RPN2: variants seen among roughly 807,000 people sequenced by gnomAD.
The protein encoded by RPN2 is ribophorin II.
RPN2 carries 29 observed loss-of-function variants against 71.4 expected under a neutral mutation model. The observed-to-expected ratio is 0.41, with a 90% CI of 0.30 to 0.55. The LOEUF (loss-of-function observed/expected upper bound fraction) is 0.55, where lower values mean the gene tolerates loss of function less well. Among genes scored for constraint, RPN2 ranks in the 20% least tolerant of loss-of-function variants. The probability of loss-of-function intolerance (pLI) is 0.35; values close to 1 mark genes in which losing one functional copy is unlikely to be tolerated. For synonymous variants in RPN2, 308 were observed against 305.0 expected, an observed-to-expected ratio of 1.01 and a Z score of -0.10; for missense variants, 726 against 774.1, an observed-to-expected ratio of 0.94 and a Z score of 0.74.
chr20:37,184,628 T>G (rs2066965805), intron 2 of RPN2, among the ~76,000 whole-genome samples: 1 of 152,058 alleles, frequency 6.6e-6, no homozygotes, highest in African/African-American at 2.4e-5. Flanking sequence ...CTGACTCTGC[T>G]AAAAATAGAA....
chr20:37,202,863 A>T (rs1268836725), intron 4 of RPN2, among the ~76,000 whole-genome samples: 1 of 152,190 alleles, frequency 6.6e-6, no homozygotes, highest in Non-Finnish European at 1.5e-5. Flanking sequence ...GTAGAGATAG[A>T]ACATAGATTG....
chr20:37,196,230 C>T (rs915081803), intron 2 of RPN2, among the ~76,000 whole-genome samples: 1 of 151,196 alleles, frequency 6.6e-6, no homozygotes, highest in African/African-American at 2.4e-5. Context: ...TAGTCTCCCC[C>T]CCACCTTTTT....
chr20:37,238,437 A>C (rs1296624854), intron 16 of RPN2: 1 of 1,608,224 alleles, frequency 6.2e-7, no homozygotes, highest in Non-Finnish European at 8.5e-7. Context: ...TTGGCAAAAT[A>C]TAGGACACTA....
At chr20:37,186,476 C>CTATT (rs1017271379) in intron 2 of RPN2, among the ~76,000 whole-genome samples, 3 of 152,012 alleles carry the variant, frequency 2.0e-5, no homozygotes, top group African/African-American at 7.2e-5. Flanking sequence ...ATCTCTTATT[C>CTATT]TATTTATTTA....
intron 16 of RPN2, among the ~76,000 whole-genome samples, chr20:37,239,544 ACCTAGT>A: frequency 6.6e-6 from 1 of 151,980 alleles, no homozygotes; most frequent in Middle Eastern, 3.4e-3. Flanking sequence ...AAGCTGGGTC[ACCTAGT>A]CCTCAACACA....
chr20:37,202,378 TC>T (rs2067411523), intron 4 of RPN2, among the ~76,000 whole-genome samples: 1 of 152,222 alleles, frequency 6.6e-6, no homozygotes, highest in Non-Finnish European at 1.5e-5. Flanking sequence ...GGAATGAGTT[TC>T]CCATGGAGAG....
chr20:37,213,683 C>T (rs1293821263), intron 8 of RPN2, 77 bp from the exon 9 acceptor site: 36 of 1,107,690 alleles, frequency 3.3e-5, no homozygotes. Flanking sequence ...CTCCAGGAGA[C>T]ATTTTGTAGC....
intron 8 of RPN2, among the ~76,000 whole-genome samples, chr20:37,210,669 T>C (rs2067639869): frequency 6.6e-6 from 1 of 151,932 alleles, no homozygotes; most frequent in African/African-American, 2.4e-5. Flanking sequence ...TAGCTGGGAT[T>C]ACAGGTGCCC....
At chr20:37,209,580 C>A (rs1466596681) in intron 7 of RPN2, among the ~76,000 whole-genome samples, 1 of 152,082 alleles carries the variant, frequency 6.6e-6, no homozygotes, top group South Asian at 2.1e-4. Context: ...CCTCCTGCCT[C>A]AACTTCCTGA....
At chr20:37,238,791 G>A (rs1459565198) in intron 16 of RPN2, 1 of 570,322 alleles carries the variant, frequency 1.8e-6, no homozygotes, top group Admixed American at 1.9e-5. Context: ...CTGAGATGAG[G>A]ATAAGACAAA....
chr20:37,233,846 G>A (rs1347304474), intron 14 of RPN2, among the ~76,000 whole-genome samples, 174 bp from the exon 15 acceptor site: 3 of 152,216 alleles, frequency 2.0e-5, no homozygotes, highest in South Asian at 4.1e-4. Flanking sequence ...AAGGGAACAA[G>A]TTTCCCCGAG....
intron 2 of RPN2, 112 bp downstream of exon 2, chr20:37,184,485 A>G (rs1452221889): frequency 1.0e-6 from 1 of 969,012 alleles, no homozygotes; most frequent in African/African-American, 1.6e-5. Context: ...AGGATAACCA[A>G]GGTTAATCCA....
chr20:37,211,829 C>G (rs991354432), intron 8 of RPN2, among the ~76,000 whole-genome samples: 9 of 151,902 alleles, frequency 5.9e-5, no homozygotes, highest in Non-Finnish European at 2.9e-5. Flanking sequence ...TCTCCACCTC[C>G]CAGCTTCAAA....
intron 9 of RPN2, among the ~76,000 whole-genome samples, chr20:37,217,151 C>G (rs376327273): frequency 1.8e-4 from 27 of 150,806 alleles, no homozygotes; most frequent in African/African-American, 5.4e-4. Context: ...AGGCTGCTCT[C>G]GAACTCCTGG....
chr20:37,228,695 A>G lies in RPN2; in HGVS notation c.1445A>G (p.Tyr482Cys), dbSNP rs144218598. ...TCTGCCTCTGGCACCTACACTCTCT[A>G]CTTAATCATTGGAGATGCCACTTTG... is the stretch of plus-strand genomic sequence containing the variant. ...FDSASGTYTLYLIIGDATLKN... is the reference protein window; with the variant it reads ...FDSASGTYTLCLIIGDATLKN... The change falls in exon 12 of 17, where the codon TAC becomes TGC. Residue 482 changes from tyrosine (Y) to cysteine (C), a missense_variant. Tyr to Cys is a radical substitution (Grantham distance 194). Transcript: ENST00000237530. 86 of 1,614,090 alleles carry G rather than the reference A, an allele frequency of 5.3e-5. No homozygotes were observed. The highest frequency in any genetic ancestry group is 1.3e-4 in the Admixed American group (8 of 60,006).
At chr20:37,228,050 A>G (rs1600833669) in intron 11 of RPN2, among the ~76,000 whole-genome samples, 2 of 152,312 alleles carry the variant, frequency 1.3e-5, no homozygotes, top group East Asian at 3.9e-4. Context: ...GGCTCTCTCC[A>G]TGACACTGGG....
intron 2 of RPN2, among the ~76,000 whole-genome samples, chr20:37,191,109 A>G (rs1304534992): frequency 2.0e-5 from 3 of 152,194 alleles, no homozygotes; most frequent in African/African-American, 7.2e-5. Flanking sequence ...CAAAACTGGG[A>G]GAAATGGGGT....
intron 9 of RPN2, among the ~76,000 whole-genome samples, chr20:37,222,514 T>C (rs945554879): frequency 6.6e-6 from 1 of 152,116 alleles, no homozygotes; most frequent in Non-Finnish European, 1.5e-5. Context: ...ACTTGATAGG[T>C]ATCTTTATTT....
chr20:37,199,099 A>G lies in RPN2; in HGVS notation c.353A>G (p.Glu118Gly). The G allele has an allele frequency of 6.2e-7, 1 of 1,613,886 alleles. No homozygotes were observed. The highest frequency in any genetic ancestry group is 8.5e-7 in the Non-Finnish European group (1 of 1,179,754). ...TKDLLLAAVS[E>G]DSSVTQIYHA... is the part of the protein sequence containing the mutation. ...GATCTGCTTCTGGCAGCTGTCAGTG[A>G]GGACTCATCTGTTACCCAGATCTAC... The change falls in exon 4 of 17, where the codon GAG (glutamate) becomes GGG (glycine). Residue 118 changes from glutamate (E) to glycine (G), a missense_variant. Glu to Gly is a moderately conservative substitution (Grantham distance 98, BLOSUM62 -2). Coordinates refer to ENST00000237530, the MANE Select transcript of RPN2 (RefSeq NM_002951.5).
Sources: gnomAD v4.1 joint callset for allele counts (sites outside exome capture counted in the v4.1 genomes callset) on GRCh38, gnomAD v4.1.1 for gene constraint, MANE v1.5 for transcripts, NCBI Gene and HGNC (gene_info 2026-07-23, HGNC 2026-07-21) for gene names.